The following IHO1 variants were observed in gnomAD, a reference collection of about 807,000 sequenced individuals.
IHO1 encodes the protein interactor of HORMAD1 protein 1.
A neutral mutation model predicts 31.0 loss-of-function variants in IHO1; 13 were observed. The ratio of observed to expected loss-of-function variants is 0.42; its 90% confidence interval spans 0.27 to 0.67. The LOEUF (loss-of-function observed/expected upper bound fraction) is 0.67. IHO1 is among the 30% of genes least tolerant of loss of function. The probability of loss-of-function intolerance (pLI) is 0.24; values close to 1 mark genes in which losing one functional copy is unlikely to be tolerated. For synonymous variants in IHO1, 221 were observed against 248.4 expected (o/e 0.89, Z 1.04); for missense variants, 599 against 687.5 (o/e 0.87, Z 1.44).
upstream of IHO1, among the ~76,000 whole-genome samples, chr3:49,193,943 C>T (rs1407276935): frequency 7.1e-6 from 1 of 141,704 alleles, no homozygotes; most frequent in East Asian, 2.1e-4. Flanking sequence ...GCCTGGGTGA[C>T]GGAGTGAGAA....
chr3:49,226,286 C>G (rs1444607941), intron 2 of IHO1, among the ~76,000 whole-genome samples: 1 of 152,124 alleles, frequency 6.6e-6, no homozygotes, highest in Non-Finnish European at 1.5e-5. Context: ...GTTCAGGGCC[C>G]AGGGCTCACT....
At chr3:49,216,223 G>A (rs1409327840) in intron 2 of IHO1, among the ~76,000 whole-genome samples, 1 of 152,194 alleles carries the variant, frequency 6.6e-6, no homozygotes. Context: ...AGGATACGGA[G>A]AAATTGTTTC....
In IHO1 at chr3:49,211,814, C is replaced by A; in HGVS notation, c.34C>A (p.Leu12Ile). The change falls in exon 2 of 8, where the codon CTC becomes ATC. Residue 12 changes from leucine to isoleucine, a missense_variant. By Grantham distance (5) the Leu-to-Ile change is conservative. Coordinates refer to ENST00000452691, the MANE Select transcript of IHO1 (RefSeq NM_001135197.2). ...TAATGTCTGGAATATCAAAGAGATG[C>A]TCAGTATTCCTTCAGGCTCTGGGTA... ...NFNVWNIKEM[L>I]SIPSGSGNKK... 1 of 1,564,528 alleles carries A rather than the reference C, an allele frequency of 6.4e-7. No homozygotes were observed. The highest frequency in any genetic ancestry group is 8.8e-7 in the Non-Finnish European group (1 of 1,135,284).
intron 3 of IHO1, among the ~76,000 whole-genome samples, chr3:49,238,476 G>C (rs1406422556): frequency 2.6e-5 from 4 of 152,160 alleles, no homozygotes; most frequent in Non-Finnish European, 2.9e-5. Flanking sequence ...CAGAAACAGG[G>C]CTTGACTTTT....
chr3:49,209,011 T>C (rs528902049), intron 1 of IHO1, among the ~76,000 whole-genome samples: 1 of 150,062 alleles, frequency 6.7e-6, no homozygotes, highest in Non-Finnish European at 1.5e-5. Flanking sequence ...GTAGGACATC[T>C]TTCTTCTGGT....
chr3:49,253,499 C>T (rs1179318550), intron 6 of IHO1, among the ~76,000 whole-genome samples: 2 of 152,158 alleles, frequency 1.3e-5, no homozygotes, highest in Admixed American at 1.3e-4. Flanking sequence ...CTCTGTGTAA[C>T]TGTGACCTGC....
chr3:49,220,163 C>A (rs561411033), intron 2 of IHO1, among the ~76,000 whole-genome samples: 1 of 152,200 alleles, frequency 6.6e-6, no homozygotes, highest in African/African-American at 2.4e-5. Flanking sequence ...TTAGGATACA[C>A]CCCACAGATC....
Position 49,211,739 on chromosome 3 carries a change from T to C in IHO1, c.-15-27T>C, listed in dbSNP as rs141395898. 6.0e-4 allele frequency: 670 copies of C among 1,109,258 alleles called. 4 individuals are homozygous for C. The African/African-American group carries it at 9.3e-3, about 15-fold the overall frequency. The allele number at this position is 1,109,258 out of a possible 1,614,324, so 68.7% of individuals were successfully genotyped here. A position where few individuals can be genotyped will look rare whatever the true frequency, so the allele number is the denominator to read the frequency against. ...GGAAAAAATTATACTGTTAACTTTC[T>C]TAATATTCACCTATTCTTTCTAATA... On this transcript the variant is annotated intron_variant, in intron 1 of 7. Transcript: ENST00000452691.
chr3:49,246,527 A>G (rs1252533027), intron 6 of IHO1, among the ~76,000 whole-genome samples: 1 of 152,046 alleles, frequency 6.6e-6, no homozygotes, highest in Non-Finnish European at 1.5e-5. Flanking sequence ...AGACACCTGT[A>G]ATCCCAGCTA....
intron 4 of IHO1, 29 bp from the exon 5 acceptor site, chr3:49,244,375 T>G: frequency 1.5e-6 from 2 of 1,327,908 alleles, no homozygotes; most frequent in Non-Finnish European, 2.2e-6. Context: ...TTCATAAAGA[T>G]TTGTTTTCTT....
At chr3:49,227,314 G>T (rs1271097491) in intron 2 of IHO1, among the ~76,000 whole-genome samples, 1 of 152,088 alleles carries the variant, frequency 6.6e-6, no homozygotes, top group African/African-American at 2.4e-5. Context: ...GGTCAAATTG[G>T]TCCCAATGGC....
At chr3:49,251,418 T>A (rs2046757933) in intron 6 of IHO1, among the ~76,000 whole-genome samples, 1 of 151,514 alleles carries the variant, frequency 6.6e-6, no homozygotes. Flanking sequence ...CCTGAGTAGC[T>A]GGGACTACAG....
chr3:49,240,245 C>T (rs2046614920), intron 3 of IHO1, among the ~76,000 whole-genome samples: 3 of 151,748 alleles, frequency 2.0e-5, no homozygotes, highest in Non-Finnish European at 4.4e-5. Flanking sequence ...TGTTTTGAGA[C>T]GGAGTTTCAC....
At chr3:49,199,280 G>T (rs542180639), upstream of IHO1, among the ~76,000 whole-genome samples, 1 of 152,328 alleles carries the variant, frequency 6.6e-6, no homozygotes, top group African/African-American at 2.4e-5. Flanking sequence ...CCATTAGTAC[G>T]GTTAAAACCG....
rs570338858 is a variant in IHO1 at position 49,250,426 on chromosome 3, C to A, written c.533-4964C>A. On this transcript the variant is annotated intron_variant, in intron 6 of 7. Transcript: ENST00000452691. ...GGGGACAAGAACTGAATGTATGGGACCTCAGATGGATGCTTTCTGAGCACT... is the reference window on the plus strand; with the variant it reads ...GGGGACAAGAACTGAATGTATGGGAACTCAGATGGATGCTTTCTGAGCACT... Among the ~76,000 whole-genome samples the A allele has an allele frequency of 3.3e-5, 5 of 152,252 alleles. No individual in the cohort carries two copies. The East Asian group carries it at 9.6e-4, about 29-fold the overall frequency.
At chr3:49,247,273 A>G (rs988496309) in intron 6 of IHO1, among the ~76,000 whole-genome samples, 2 of 151,746 alleles carry the variant, frequency 1.3e-5, no homozygotes, top group Non-Finnish European at 2.9e-5. Context: ...TCTGTCACCC[A>G]GGCTGGAGTG....
chr3:49,256,516 G>A lies in IHO1; in HGVS notation c.1019G>A (p.Gly340Glu). 2 of 1,614,144 alleles carry A rather than the reference G, an allele frequency of 1.2e-6. No homozygotes were observed. Among genetic ancestry groups the A allele is most frequent in the Non-Finnish European group, 1.7e-6 (2 of 1,180,040 alleles). ...LQEEAALPAF[G>E]SHERNRHVKD... ...GAAGAGGCTGCACTGCCAGCATTTG[G>A]GTCCCATGAAAGAAATAGGCATGTA... The change falls in exon 8 of 8, where the codon GGG (glycine) becomes GAG (glutamate). Residue 340 changes from glycine to glutamate, a missense_variant. Transcript: ENST00000452691. The surrounding 1 kb of genome is among the most constrained non-coding windows in gnomAD (Gnocchi z 4.6).
intron 2 of IHO1, among the ~76,000 whole-genome samples, chr3:49,226,129 T>A (rs2046414175): frequency 6.6e-6 from 1 of 152,216 alleles, no homozygotes; most frequent in South Asian, 2.1e-4. Context: ...ATGCTCCATT[T>A]TCTGTCCTCT....
chr3:49,206,304 G>T (rs1165792247), intron 1 of IHO1, among the ~76,000 whole-genome samples: 4 of 151,984 alleles, frequency 2.6e-5, no homozygotes, highest in Non-Finnish European at 5.9e-5. Context: ...CACCATATTG[G>T]TGAGGCTGGT....
Sources: gnomAD v4.1 joint callset for allele counts (sites outside exome capture counted in the v4.1 genomes callset) on GRCh38, gnomAD v4.1.1 for gene constraint, Gnocchi (gnomAD v3.1) non-coding constraint, MANE v1.5 for transcripts, NCBI Gene and HGNC (gene_info 2026-07-23, HGNC 2026-07-21) for gene names.